Variants in DAB1 observed in about 807,000 individuals in gnomAD.
The protein encoded by DAB1 is DAB adaptor protein 1.
A neutral mutation model predicts 64.6 loss-of-function variants in DAB1; 15 were observed. That is an observed-to-expected ratio of 0.23 (90% CI 0.16 to 0.36). DAB1 has a LOEUF of 0.36. DAB1 is among the 10% of genes least tolerant of loss of function. The probability of loss-of-function intolerance (pLI) is 1.00; values close to 1 mark genes in which losing one functional copy is unlikely to be tolerated. For missense variants in DAB1, 596 were observed against 706.7 expected (o/e 0.84, Z 1.78); for synonymous variants, 235 against 251.9 (o/e 0.93, Z 0.64).
At chr1:58,228,875 G>T in intron 4 of DAB1, 1 of 572,094 alleles carries the variant, frequency 1.7e-6, no homozygotes, top group South Asian at 1.5e-5. Flanking sequence ...CAGAGGCCCA[G>T]AGCATCCGCA....
chr1:57,801,403 C>T (rs1651117617), intron 6 of DAB1, among the ~76,000 whole-genome samples: 1 of 152,192 alleles, frequency 6.6e-6, no homozygotes, highest in African/African-American at 2.4e-5. Context: ...AAACACAGAG[C>T]CTCTTCTTTT....
intron 4 of DAB1, among the ~76,000 whole-genome samples, chr1:58,185,351 A>C (rs1657017201): frequency 6.6e-6 from 1 of 152,222 alleles, no homozygotes; most frequent in Non-Finnish European, 1.5e-5. Flanking sequence ...GACCCCCAGC[A>C]GTATTTTCCT....
intron 5 of DAB1, chr1:58,048,247 G>C (rs186643811): frequency 2.3e-6 from 3 of 1,287,784 alleles, no homozygotes; most frequent in East Asian, 4.6e-5. Context: ...TTCACAGTTT[G>C]GCAAAGTATT....
At chr1:57,092,382 T>G (rs560272530) in intron 4 of DAB1, among the ~76,000 whole-genome samples, 2 of 152,072 alleles carry the variant, frequency 1.3e-5, no homozygotes, top group Admixed American at 1.3e-4. Flanking sequence ...AGGGACCTGG[T>G]AGGAAGTGAT....
chr1:57,796,735 C>T (rs561548411), intron 6 of DAB1, among the ~76,000 whole-genome samples: 2 of 152,150 alleles, frequency 1.3e-5, no homozygotes, highest in Admixed American at 6.5e-5. Context: ...GAACCATCAG[C>T]CTTGACTGCT....
At chr1:57,626,114 G>A (rs1645919859) in intron 7 of DAB1, among the ~76,000 whole-genome samples, 1 of 151,948 alleles carries the variant, frequency 6.6e-6, no homozygotes, top group Admixed American at 6.6e-5. Flanking sequence ...TTTCAAAGCA[G>A]TGACAACTTG....
At chr1:57,407,523 T>C (rs1339165638) in intron 1 of DAB1, among the ~76,000 whole-genome samples, 1 of 152,196 alleles carries the variant, frequency 6.6e-6, no homozygotes, top group African/African-American at 2.4e-5. Flanking sequence ...TGACCCTGTG[T>C]GGCATGTCAC....
intron 7 of DAB1, among the ~76,000 whole-genome samples, chr1:57,463,161 T>C (rs560150898): frequency 6.6e-6 from 1 of 152,298 alleles, no homozygotes; most frequent in East Asian, 1.9e-4. Flanking sequence ...GTACCAACTG[T>C]ACCACTTACC....
chr1:57,027,100 T>C (rs924589133), intron 9 of DAB1, among the ~76,000 whole-genome samples: 4 of 152,168 alleles, frequency 2.6e-5, no homozygotes, highest in African/African-American at 9.7e-5. Flanking sequence ...CAAACCGCTC[T>C]AACCAGGTCA....
intron 2 of DAB1, among the ~76,000 whole-genome samples, chr1:57,198,612 T>C: frequency 6.7e-6 from 1 of 149,084 alleles, no homozygotes; most frequent in African/African-American, 2.5e-5. Context: ...GGCTTAACTC[T>C]CTCTCTTCCT....
intron 5 of DAB1, among the ~76,000 whole-genome samples, chr1:57,967,184 G>C (rs757558780): frequency 2.0e-5 from 3 of 152,190 alleles, no homozygotes; most frequent in Admixed American, 1.3e-4. Context: ...CAGTGGGGCT[G>C]TCCAAGGTGC....
chr1:57,599,340 A>T (rs1024561311), intron 7 of DAB1, among the ~76,000 whole-genome samples: 3 of 152,054 alleles, frequency 2.0e-5, no homozygotes, highest in African/African-American at 7.2e-5. Context: ...CCTCTGTTAG[A>T]GAAAAAAAGC....
At chr1:58,152,219 T>C (rs888261457) in intron 4 of DAB1, among the ~76,000 whole-genome samples, 1 of 152,170 alleles carries the variant, frequency 6.6e-6, no homozygotes, top group African/African-American at 2.4e-5. Flanking sequence ...GGACATACTA[T>C]ACCCCCCATT....
At chr1:58,319,366 C>A (rs562502194) in intron 4 of DAB1, among the ~76,000 whole-genome samples, 11 of 152,220 alleles carry the variant, frequency 7.2e-5, no homozygotes, top group African/African-American at 2.4e-4. Flanking sequence ...GATGCTTTCA[C>A]CTACAAATAA....
At chr1:57,850,452 G>T (rs1467006406) in intron 1 of DAB1, among the ~76,000 whole-genome samples, 3 of 147,060 alleles carry the variant, frequency 2.0e-5, no homozygotes, top group Non-Finnish European at 3.0e-5. Flanking sequence ...AGATAATGTA[G>T]TTTTTTTTTT....
chr1:57,468,554 T>C (rs765802913), intron 7 of DAB1, among the ~76,000 whole-genome samples: 14 of 152,178 alleles, frequency 9.2e-5, no homozygotes, highest in Non-Finnish European at 1.9e-4. Flanking sequence ...TTTAATCTTA[T>C]AGGTCTGGTG....
At chr1:57,478,656 G>A (rs1643970966) in intron 7 of DAB1, among the ~76,000 whole-genome samples, 1 of 129,876 alleles carries the variant, frequency 7.7e-6, no homozygotes, top group African/African-American at 3.0e-5. Context: ...GCAATGGCAT[G>A]ATCTCAGCTT....
At chr1:57,982,066 G>A (rs776330713) in intron 5 of DAB1, among the ~76,000 whole-genome samples, 9 of 152,196 alleles carry the variant, frequency 5.9e-5, no homozygotes, top group Admixed American at 5.9e-4. Context: ...CCTGGAAAAT[G>A]GGACTGTGTT....
chr1:57,641,375 G>A (rs866241259), intron 7 of DAB1, among the ~76,000 whole-genome samples: 1 of 79,312 alleles, frequency 1.3e-5, no homozygotes, highest in Non-Finnish European at 2.6e-5. Context: ...TCTTTTTTTT[G>A]TTGGTTTTTT....
Sources: allele counts gnomAD v4.1 joint callset (sites outside exome capture counted in the v4.1 genomes callset), GRCh38; gene constraint gnomAD v4.1.1; transcripts MANE v1.5; gene names NCBI Gene and HGNC (gene_info 2026-07-23, HGNC 2026-07-21).